The following MYEF2 variants were observed in gnomAD, a reference collection of about 807,000 sequenced individuals.
MYEF2 encodes myelin gene expression factor 2.
A neutral mutation model predicts 75.2 loss-of-function variants in MYEF2; 37 were observed. The observed-to-expected ratio is 0.49, with a 90% CI of 0.38 to 0.65. The LOEUF (loss-of-function observed/expected upper bound fraction) is 0.65, where lower values mean the gene tolerates loss of function less well. Ranked by LOEUF, MYEF2 falls within the 30% of genes least tolerant of loss-of-function variation. The pLI, the probability that MYEF2 is intolerant of heterozygous loss-of-function variation, is 0.00. For missense variants in MYEF2, 634 were observed against 771.4 expected (o/e 0.82, Z 2.11); for synonymous variants, 195 against 241.6 (o/e 0.81, Z 1.79).
At position 48,178,105 on chromosome 15, in the gene MYEF2, G is replaced by T. The variant is rs1480887390; in HGVS notation, c.133C>A (p.His45Asn). 7 of 1,597,156 alleles carry T rather than the reference G, an allele frequency of 4.4e-6. No homozygotes were observed. Among genetic ancestry groups the T allele is most frequent in the South Asian group, 2.2e-5 (2 of 89,066 alleles). Residue 45 changes from histidine to asparagine, a missense_variant, in exon 1 of 17, where the codon CAC (histidine) becomes AAC (asparagine). His to Asn is a moderately conservative substitution (Grantham distance 68). Coordinates refer to ENST00000324324, the MANE Select transcript of MYEF2 (RefSeq NM_016132.5). ...PAEAEKQQPQ[H>N]SSSSNGVKME... ...TTAACGCCATTGGAGCTGCTGCTGT[G>T]CTGCGGCTGCTGCTTCTCCGCCTCC...
chr15:48,146,574 C>G (rs988207853), intron 16 of MYEF2, among the ~76,000 whole-genome samples: 1 of 151,914 alleles, frequency 6.6e-6, no homozygotes, highest in African/African-American at 2.4e-5. Context: ...CAGTTAATCA[C>G]TAGAGATAAT....
At chr15:48,159,526 AAATGTTCTAT>A (rs1159584936) in intron 6 of MYEF2, 77 bp downstream of exon 6, 1 of 1,268,966 alleles carries the variant, frequency 7.9e-7, no homozygotes, top group Non-Finnish European at 1.1e-6. Context: ...AAAATAAGCA[AAATGTTCTAT>A]AAACCTATAA....
intron 16 of MYEF2, among the ~76,000 whole-genome samples, chr15:48,145,439 T>C (rs765433628): frequency 9.2e-5 from 14 of 151,866 alleles, no homozygotes; most frequent in African/African-American, 1.9e-4. Context: ...AATAATCTTG[T>C]ACGATTCCAA....
At position 48,141,959 on chromosome 15, in the gene MYEF2, T is replaced by C. The variant is rs531784647; in HGVS notation, c.*949A>G. On this transcript the variant is annotated 3_prime_UTR_variant, in exon 17 of 17. Transcript: ENST00000324324. ...AACAAAAAAGTATCCAGTGTTTCTT[T>C]TCTTATGAAGATTATTAATAAAACA... 2 of 1,169,260 alleles carry C rather than the reference T, an allele frequency of 1.7e-6. 1 individual carries two copies. The highest frequency in any genetic ancestry group is 4.9e-5 in the East Asian group (2 of 41,224). The allele number at this position is 1,169,260 out of a possible 1,614,324, so 72.4% of individuals were successfully genotyped here. A position where few individuals can be genotyped will look rare whatever the true frequency, so the allele number is the denominator to read the frequency against.
At chr15:48,153,732 A>T (rs763368728) in intron 10 of MYEF2, 60 bp downstream of exon 10, 2 of 1,336,882 alleles carry the variant, frequency 1.5e-6, no homozygotes, top group East Asian at 4.7e-5. Flanking sequence ...ACATCAATGG[A>T]GGCTTTATTA....
At chr15:48,143,180 C>T (rs1567237231) in intron 16 of MYEF2, 109 bp from the exon 17 acceptor site, 1 of 590,848 alleles carries the variant, frequency 1.7e-6, no homozygotes, top group Non-Finnish European at 2.5e-6. Context: ...TGATTAAAAA[C>T]ATTAATTATT....
chr15:48,138,915 T>C lies in MYEF2; in HGVS notation c.*3993A>G. On this transcript the variant is annotated 3_prime_UTR_variant, in exon 17 of 17. Transcript: ENST00000324324. ...ATATAACTTTCTAAATAGGCATTTCTAACTTAATTAGCCATTTGAGAAAAC... is the reference window on the plus strand; with the variant it reads ...ATATAACTTTCTAAATAGGCATTTCCAACTTAATTAGCCATTTGAGAAAAC... The C allele has an allele frequency of 7.5e-7, 1 of 1,336,616 alleles. No homozygotes were observed. The highest frequency in any genetic ancestry group is 2.1e-5 in the Admixed American group (1 of 48,024). 82.8% of individuals were successfully genotyped at this position (1,336,616 alleles called of 1,614,324 possible). A position where few individuals can be genotyped will look rare whatever the true frequency, so the allele number is the denominator to read the frequency against.
At chr15:48,159,930 A>G in intron 5 of MYEF2, 126 bp from the exon 6 acceptor site, 1 of 948,688 alleles carries the variant, frequency 1.1e-6, no homozygotes, top group Non-Finnish European at 1.5e-6. Context: ...TTGAAGAGTG[A>G]GCTTTTTTCT....
intron 1 of MYEF2, among the ~76,000 whole-genome samples, chr15:48,172,533 C>A (rs1389923851): frequency 6.6e-6 from 1 of 150,684 alleles, no homozygotes; most frequent in Admixed American, 6.6e-5. Flanking sequence ...ATGAAATATA[C>A]TAGAAAAACA....
chr15:48,143,069 G>A lies in MYEF2; in HGVS notation c.1642C>T (p.His548Tyr). The change falls in exon 17 of 17, where the codon CAT becomes TAT. Residue 548 changes from histidine (H) to tyrosine (Y), a missense_variant and splice_region_variant. By Grantham distance (83) the His-to-Tyr change is moderately conservative. Coordinates refer to ENST00000324324, the MANE Select transcript of MYEF2 (RefSeq NM_016132.5). The stretch of plus-strand genomic sequence containing the variant: ...ATTTTTATTTCTGCAAACATTACAT[G>A]ACCTGTAAAATAAAAGTTACAGAAT... ...KLKEKFSQCG[H>Y]VMFAEIKMEN... 6.6e-7 allele frequency: 1 copy of A among 1,521,544 alleles called. No homozygotes were observed. The highest frequency in any genetic ancestry group is 8.8e-7 in the Non-Finnish European group (1 of 1,137,422). The allele number at this position is 1,521,544 out of a possible 1,614,324, so 94.3% of individuals were successfully genotyped here. A position where few individuals can be genotyped will look rare whatever the true frequency, so the allele number is the denominator to read the frequency against.
In MYEF2 at chr15:48,149,446, G is replaced by T; in HGVS notation, c.1379-75C>A. The T allele has an allele frequency of 7.8e-7, 1 of 1,277,400 alleles. No homozygotes were observed. Among genetic ancestry groups the T allele is most frequent in the Non-Finnish European group, 1.1e-6 (1 of 891,740 alleles). 79.1% of individuals were successfully genotyped at this position (1,277,400 alleles called of 1,614,324 possible). On this transcript the variant is annotated intron_variant, in intron 14 of 16. Transcript: ENST00000324324. This position sits in a 1 kb window ranked among gnomAD's most constrained non-coding sequence, Gnocchi z 4.0. The stretch of plus-strand genomic sequence containing the variant: ...TTCAAAAACATAAGGAAAAGGAGAA[G>T]AGGAGAAAGGAGGAAAAGGAGATAA...
intron 5 of MYEF2, among the ~76,000 whole-genome samples, chr15:48,165,260 AT>A (rs1246737087): frequency 6.6e-6 from 1 of 152,172 alleles, no homozygotes; most frequent in African/African-American, 2.4e-5. Flanking sequence ...TAATCAAACT[AT>A]TAAGATTAAC....
chr15:48,157,760 T>C, intron 9 of MYEF2: 1 of 1,231,450 alleles, frequency 8.1e-7, no homozygotes, highest in African/African-American at 1.5e-5. Flanking sequence ...CCAAACATTT[T>C]AGAATGTATT....
At chr15:48,154,530 GA>G (rs2039613539) in intron 9 of MYEF2, among the ~76,000 whole-genome samples, 1 of 152,068 alleles carries the variant, frequency 6.6e-6, no homozygotes, top group African/African-American at 2.4e-5. Context: ...AACTGCACAG[GA>G]AGGACAGATT....
chr15:48,138,992 C>A lies in MYEF2; in HGVS notation c.*3916G>T, dbSNP rs111834801. The stretch of plus-strand genomic sequence containing the variant: ...AGATCCACCAAGTGTTTTCAACATG[C>A]CTGAAGCAGACTTAAAAAGAATTTT... On this transcript the variant is annotated 3_prime_UTR_variant, in exon 17 of 17. Coordinates refer to ENST00000324324, the MANE Select transcript of MYEF2 (RefSeq NM_016132.5). 2 of 1,612,498 alleles carry A rather than the reference C, an allele frequency of 1.2e-6. No individual in the cohort carries two copies. The highest frequency in any genetic ancestry group is 1.3e-5 in the African/African-American group (1 of 74,966).
chr15:48,143,416 T>A (rs773689135), intron 16 of MYEF2, among the ~76,000 whole-genome samples: 1 of 152,096 alleles, frequency 6.6e-6, no homozygotes. Context: ...CAAACTTACA[T>A]ATTTAAACAA....
In MYEF2 at chr15:48,140,098, A is replaced by T. The variant is rs1597271218; in HGVS notation, c.*2810T>A. On this transcript the variant is annotated 3_prime_UTR_variant, in exon 17 of 17. Transcript: ENST00000324324. ...AGTGGACTACTTCTTCCTTTTTTTA[A>T]TGAGAAAAATGAAAAAGTCCAATTA... The T allele has an allele frequency of 6.6e-6, 1 of 152,088 alleles. No homozygotes were observed. Among genetic ancestry groups the T allele is most frequent in the Non-Finnish European group, 1.5e-5 (1 of 67,982 alleles). The allele number at this position is 152,088 out of a possible 1,614,324, so 9.4% of individuals were successfully genotyped here.
intron 3 of MYEF2, 152 bp from the exon 4 acceptor site, chr15:48,166,280 G>A: frequency 1.8e-6 from 1 of 550,014 alleles, no homozygotes; most frequent in South Asian, 4.2e-5. Context: ...AACATAACAG[G>A]CAAGTAACCA....
Position 48,158,068 on chromosome 15 carries a change from A to G in MYEF2, c.922-12T>C, listed in dbSNP as rs757441252. On this transcript the variant is annotated splice_polypyrimidine_tract_variant and intron_variant, in intron 8 of 16. Transcript: ENST00000324324. The stretch of plus-strand genomic sequence containing the variant: ...ACAGACTTGTCATCCTAATTGCAAG[A>G]AAGTTTATAATATGGTTAACATATT... The G allele has an allele frequency of 1.4e-5, 22 of 1,612,850 alleles. No homozygotes were observed. Among genetic ancestry groups the G allele is most frequent in the East Asian group, 4.5e-5 (2 of 44,778 alleles).
Sources: gnomAD v4.1 joint callset for allele counts (sites outside exome capture counted in the v4.1 genomes callset) on GRCh38, gnomAD v4.1.1 for gene constraint, Gnocchi (gnomAD v3.1) non-coding constraint, MANE v1.5 for transcripts, NCBI Gene and HGNC (gene_info 2026-07-23, HGNC 2026-07-21) for gene names.